Variants in CR1 observed in about 807,000 individuals in gnomAD.
The protein encoded by CR1 is complement C3b/C4b receptor 1 (Knops blood group), also known as complement receptor type 1.
A neutral mutation model predicts 187.3 loss-of-function variants in CR1; 116 were observed. The ratio of observed to expected loss-of-function variants is 0.62; its 90% CI spans 0.53 to 0.72. The LOEUF (loss-of-function observed/expected upper bound fraction) is 0.72, where lower values mean the gene tolerates loss of function less well. Ranked by LOEUF, CR1 falls within the 30% of genes least tolerant of loss-of-function variation. CR1 has a pLI of 0.00. For synonymous variants in CR1, 576 were observed against 747.1 expected, an observed-to-expected ratio of 0.77 and a Z score of 3.73; for missense variants, 1,731 against 2,110.7, an observed-to-expected ratio of 0.82 and a Z score of 3.52.
chr1:207,498,924 AG>A (rs1659182148), intron 1 of CR1, among the ~76,000 whole-genome samples: 1 of 151,230 alleles, frequency 6.6e-6, no homozygotes, highest in South Asian at 2.1e-4. Context: ...AAAACAATAA[AG>A]GGCAGGAAAA....
At chr1:207,606,909 A>C (rs1317917984) in intron 35 of CR1, among the ~76,000 whole-genome samples, 1 of 152,240 alleles carries the variant, frequency 6.6e-6, no homozygotes, top group East Asian at 1.9e-4. Flanking sequence ...TCCCTGCTTA[A>C]TCCAGGAGCT....
At chr1:207,598,648 G>C (rs1050945840) in intron 35 of CR1, among the ~76,000 whole-genome samples, 2 of 152,176 alleles carry the variant, frequency 1.3e-5, no homozygotes, top group East Asian at 3.9e-4. Flanking sequence ...TTGATCTCTT[G>C]ACCTCGTGAT....
chr1:207,501,776 G>T (rs770629071), intron 1 of CR1, among the ~76,000 whole-genome samples: 10 of 152,130 alleles, frequency 6.6e-5, no homozygotes, highest in African/African-American at 2.4e-4. Flanking sequence ...AGCTTTTGGC[G>T]CTAGGCACTT....
chr1:207,524,867 C>T (rs1480512611), intron 5 of CR1, among the ~76,000 whole-genome samples: 5 of 151,864 alleles, frequency 3.3e-5, no homozygotes, highest in Non-Finnish European at 7.4e-5. Flanking sequence ...GGATTTCATG[C>T]AGGTTGTATT....
chr1:207,526,488 G>C (rs974198482), intron 5 of CR1, among the ~76,000 whole-genome samples: 2 of 151,000 alleles, frequency 1.3e-5, no homozygotes, highest in African/African-American at 2.5e-5. Context: ...ACTGTCCATT[G>C]TGAAATCTTA....
chr1:207,576,314 C>T (rs1266634238), intron 28 of CR1, among the ~76,000 whole-genome samples: 1 of 152,228 alleles, frequency 6.6e-6, no homozygotes, highest in Non-Finnish European at 1.5e-5. Context: ...TGGCTGGGCA[C>T]TGCCCTACAG....
intron 35 of CR1, among the ~76,000 whole-genome samples, chr1:207,605,257 C>CA (rs200443731): frequency 0.38 from 30,570 of 81,096 alleles, 4,554 homozygotes; most frequent in East Asian, 0.45. Context: ...CAGACCCTGT[C>CA]AAAAAAAAAA....
At chr1:207,574,433 A>T (rs1403908888) in intron 27 of CR1, among the ~76,000 whole-genome samples, 1 of 152,238 alleles carries the variant, frequency 6.6e-6, no homozygotes, top group Non-Finnish European at 1.5e-5. Context: ...ACATTAAAGG[A>T]TAAGAAAGAC....
At chr1:207,617,590 TATATATATATATATATATATATAG>T (rs1662162760) in intron 41 of CR1, among the ~76,000 whole-genome samples, 24 of 33,408 alleles carry the variant, frequency 7.2e-4, no homozygotes, top group Admixed American at 1.8e-3. Flanking sequence ...TATATATATA[TATATATATATATATATATATATAG>T]AGAGAGAGAG....
rs1442967021 is a variant in CR1, at chr1:207,565,612, T to C, written c.3867-226T>C. Among the ~76,000 whole-genome samples the C allele has an allele frequency of 2.0e-5, 3 of 150,180 alleles. 1 individual carries two copies. The highest frequency in any genetic ancestry group is 7.6e-5 in the African/African-American group (3 of 39,604). ...TGGCGCCTATGTCATGACCACCTTTTTCAATTCAAGCAGGACTATCATGTG... is the reference window on the plus strand; with the variant it reads ...TGGCGCCTATGTCATGACCACCTTTCTCAATTCAAGCAGGACTATCATGTG... On this transcript the variant is annotated intron_variant, in intron 23 of 46. Transcript: ENST00000367049.
In CR1 at chr1:207,593,084, C is replaced by CAAAAAAAAAAAAAAAA. The variant is rs57700679; in HGVS notation, c.5810+4314_5810+4329dup. On this transcript the variant is annotated intron_variant, in intron 35 of 46. Transcript: ENST00000367049. ...ACCAATGGCTTTCTTCACAGAATTA[C>CAAAAAAAAAAAAAAAA]AAAAAAAAAAAAAAAAAAACTACTT... Among the ~76,000 whole-genome samples the CAAAAAAAAAAAAAAAA allele has an allele frequency of 9.6e-5, 8 of 83,100 alleles. 1 individual carries two copies. The highest frequency in any genetic ancestry group is 4.0e-4 in the African/African-American group (8 of 20,014). 54.5% of individuals were successfully genotyped at this position (83,100 alleles called of 152,430 possible).
intron 1 of CR1, among the ~76,000 whole-genome samples, chr1:207,505,613 A>G (rs998123493): frequency 2.0e-5 from 3 of 152,098 alleles, no homozygotes; most frequent in Non-Finnish European, 4.4e-5. Flanking sequence ...AAGTGGGTAG[A>G]TGACCTGAGG....
rs1661186044 is a variant in CR1 at position 207,588,776 on chromosome 1, T to C, written c.5810+2T>C. 6.3e-7 allele frequency: 1 copy of C among 1,592,386 alleles called. No homozygotes were observed. Among genetic ancestry groups the C allele is most frequent in the African/African-American group, 1.3e-5 (1 of 74,430 alleles). ...AGTTAATTATTCTTGTAATGAAGGG[T>C]GAGTTGAGAATACCATCTCTTGAAT... On this transcript the variant is annotated splice_donor_variant, in intron 35 of 46. Transcript: ENST00000367049. LOFTEE classifies it high-confidence loss of function.
intron 27 of CR1, among the ~76,000 whole-genome samples, chr1:207,573,997 G>C (rs144385898): frequency 1.1e-3 from 175 of 152,236 alleles, no homozygotes; most frequent in African/African-American, 4.2e-3. Context: ...GCTGGGCATG[G>C]CAGCATATGC....
intron 39 of CR1, among the ~76,000 whole-genome samples, chr1:207,612,971 C>T (rs905394035): frequency 6.6e-6 from 1 of 152,248 alleles, no homozygotes; most frequent in Admixed American, 6.5e-5. Flanking sequence ...TCTGTCAATC[C>T]TGTCGCCCCA....
In CR1 at chr1:207,581,124, A is replaced by G. The variant is rs182164396; in HGVS notation, c.5216+511A>G. On this transcript the variant is annotated intron_variant, in intron 31 of 46. Coordinates refer to ENST00000367049, the MANE Select transcript of CR1 (RefSeq NM_000651.6). The stretch of plus-strand genomic sequence containing the variant: ...AAAGTGTGTATATATATGTATACAT[A>G]CGTATACATATGGACACGTATATGT... Among the ~76,000 whole-genome samples the G allele has an allele frequency of 1.2e-4, 18 of 152,296 alleles. No homozygotes were observed. In the East Asian group the frequency reaches 2.1e-3, roughly 18 times the overall value.
chr1:207,578,202 G>C lies in CR1; in HGVS notation c.4935G>C (p.Arg1645Ser). Residue 1645 changes from arginine (R) to serine (S), a missense_variant and splice_region_variant, in exon 29 of 47, where the codon AGG becomes AGC. Arg to Ser is a moderately radical substitution (Grantham distance 110, BLOSUM62 -1). Coordinates refer to ENST00000367049, the MANE Select transcript of CR1 (RefSeq NM_000651.6). Reference sequence around the variant, plus strand: ...AGCCAGAGTTACCAAGCTGCTCCAGGGGTGAGTCTGACTGATGCCTAGAAG... The same window carrying C: ...AGCCAGAGTTACCAAGCTGCTCCAGCGGTGAGTCTGACTGATGCCTAGAAG... ...KWEPELPSCS[R>S]VCQPPPEILH... The C allele has an allele frequency of 6.2e-7, 1 of 1,611,858 alleles. No individual in the cohort carries two copies. The highest frequency in any genetic ancestry group is 8.5e-7 in the Non-Finnish European group (1 of 1,179,716).
chr1:207,597,119 A>G (rs1055077976), intron 35 of CR1, among the ~76,000 whole-genome samples: 1 of 148,334 alleles, frequency 6.7e-6, no homozygotes, highest in Non-Finnish European at 1.5e-5. Context: ...TACAAAATAT[A>G]CTACTATGTA....
chr1:207,632,771 CT>C (rs2102416773), intron 46 of CR1, among the ~76,000 whole-genome samples: 1 of 135,852 alleles, frequency 7.4e-6, no homozygotes, highest in African/African-American at 3.0e-5. Context: ...GTACTCCAGC[CT>C]GGGTGACAGA....
Sources: allele counts gnomAD v4.1 joint callset (sites outside exome capture counted in the v4.1 genomes callset), GRCh38; gene constraint gnomAD v4.1.1; transcripts MANE v1.5; gene names NCBI Gene and HGNC (gene_info 2026-07-23, HGNC 2026-07-21).